Variants in METAP1 observed in about 807,000 individuals in gnomAD.
METAP1 encodes methionyl aminopeptidase 1, also known as methionine aminopeptidase 1.
In METAP1, 28 loss-of-function variants were observed where a neutral mutation model predicts 53.8. That is an observed-to-expected ratio of 0.52 (90% confidence interval 0.39 to 0.71). The LOEUF (loss-of-function observed/expected upper bound fraction) is 0.71. Ranked by LOEUF, METAP1 falls within the 30% of genes least tolerant of loss-of-function variation. METAP1 has a pLI of 0.00. For missense variants in METAP1, 389 were observed against 479.8 expected (o/e 0.81, Z 1.77); for synonymous variants, 181 against 165.7 (o/e 1.09, Z -0.71).
chr4:98,998,176 G>T (rs1455445343), intron 1 of METAP1, among the ~76,000 whole-genome samples: 1 of 152,174 alleles, frequency 6.6e-6, no homozygotes, highest in Admixed American at 6.5e-5. Flanking sequence ...CCCAGCTTGA[G>T]ACCTTGATCA....
At chr4:99,022,928 A>T in intron 1 of METAP1, 1 of 1,498,462 alleles carries the variant, frequency 6.7e-7, no homozygotes, top group Admixed American at 1.9e-5. Flanking sequence ...ACCTCACCAT[A>T]GGCACTGAGA....
intron 1 of METAP1, among the ~76,000 whole-genome samples, chr4:99,002,866 G>C (rs1722988039): frequency 6.6e-6 from 1 of 152,124 alleles, no homozygotes; most frequent in African/African-American, 2.4e-5. Context: ...CTTGCTACGA[G>C]ATCAGCCTGG....
intron 4 of METAP1, 103 bp from the exon 5 acceptor site, chr4:99,039,271 A>G (rs1410399450): frequency 1.6e-6 from 1 of 641,510 alleles, no homozygotes; most frequent in Non-Finnish European, 2.7e-6. Context: ...CTGTTGTGTG[A>G]AACAGTGAGA....
chr4:99,025,076 C>A (rs927749766), intron 1 of METAP1, among the ~76,000 whole-genome samples: 1 of 152,184 alleles, frequency 6.6e-6, no homozygotes, highest in South Asian at 2.1e-4. Flanking sequence ...AGGCTCCACC[C>A]GGTAATGCGG....
chr4:99,023,097 T>C (rs1579271357), intron 1 of METAP1: 6 of 1,178,680 alleles, frequency 5.1e-6, no homozygotes, highest in Non-Finnish European at 7.1e-6. Context: ...GCGCCTTTGC[T>C]CTGTTGCGGC....
intron 10 of METAP1, among the ~76,000 whole-genome samples, chr4:99,059,099 G>A (rs1414804923): frequency 6.6e-6 from 1 of 152,206 alleles, no homozygotes; most frequent in African/African-American, 2.4e-5. Flanking sequence ...TGGTTGGTGA[G>A]CCATGATGTA....
chr4:99,010,672 A>G (rs1448264969), intron 1 of METAP1, among the ~76,000 whole-genome samples: 2 of 152,188 alleles, frequency 1.3e-5, no homozygotes, highest in Non-Finnish European at 2.9e-5. Flanking sequence ...GAGATTTCAT[A>G]TGAATTTTAG....
intron 10 of METAP1, among the ~76,000 whole-genome samples, chr4:99,060,387 G>A (rs529758153): frequency 1.6e-5 from 2 of 123,640 alleles, no homozygotes; most frequent in South Asian, 2.8e-4. Flanking sequence ...TTTTTGAGAC[G>A]GAGTCTTGGT....
In METAP1 at chr4:99,012,756, C is replaced by T. The variant is rs544823534; in HGVS notation, c.115-16111C>T. ...ACACAGCCTCAGGAGTTCTTGAAAA[C>T]ATGTACCCAAGGTGGTTGGGTTACA... On this transcript the variant is annotated intron_variant, in intron 1 of 10. Coordinates refer to ENST00000296411, the MANE Select transcript of METAP1 (RefSeq NM_015143.3). 5.0e-5 allele frequency among the ~76,000 whole-genome samples: 7 copies of T among 139,396 alleles called. No individual in the cohort carries two copies. The South Asian group carries it at 7.5e-4, about 15-fold the overall frequency. 91.4% of individuals were successfully genotyped at this position (139,396 alleles called of 152,430 possible).
chr4:99,047,475 C>T (rs2110393958), intron 8 of METAP1, among the ~76,000 whole-genome samples: 1 of 152,194 alleles, frequency 6.6e-6, no homozygotes, highest in East Asian at 1.9e-4. Context: ...GATAGGAAGG[C>T]CTGGATAGGA....
intron 1 of METAP1, among the ~76,000 whole-genome samples, chr4:98,996,286 C>A (rs952417810): frequency 6.6e-6 from 1 of 152,218 alleles, no homozygotes; most frequent in African/African-American, 2.4e-5. Flanking sequence ...GCAGCACCGG[C>A]GGGGCTCGGG....
chr4:99,027,544 A>ACCCCC (rs35716602), intron 1 of METAP1, among the ~76,000 whole-genome samples: 2 of 136,962 alleles, frequency 1.5e-5, no homozygotes, highest in African/African-American at 5.2e-5. Context: ...ACAAGAGGTC[A>ACCCCC]CCCCCCCCCC....
intron 2 of METAP1, among the ~76,000 whole-genome samples, chr4:99,031,853 A>C (rs1268529373): frequency 6.6e-6 from 1 of 152,250 alleles, no homozygotes; most frequent in Admixed American, 6.5e-5. Context: ...CCTTGCATGT[A>C]TCACGTACTT....
chr4:99,056,743 G>A (rs551844169), intron 9 of METAP1, among the ~76,000 whole-genome samples: 2 of 152,042 alleles, frequency 1.3e-5, no homozygotes, highest in African/African-American at 4.8e-5. Flanking sequence ...CTAATTTTTT[G>A]TATTTTTAGT....
chr4:99,054,657 C>T (rs1403671472), intron 9 of METAP1, among the ~76,000 whole-genome samples: 2 of 152,190 alleles, frequency 1.3e-5, no homozygotes, highest in African/African-American at 4.8e-5. Context: ...ATGCCTTTCT[C>T]ATTAAGTTTA....
At chr4:99,033,634 C>T (rs1313065374) in intron 2 of METAP1, among the ~76,000 whole-genome samples, 1 of 152,190 alleles carries the variant, frequency 6.6e-6, no homozygotes, top group Non-Finnish European at 1.5e-5. Context: ...CTTGTCTTTG[C>T]CTTTTTCCTG....
intron 1 of METAP1, among the ~76,000 whole-genome samples, chr4:99,018,525 C>A (rs1723910081): frequency 6.6e-6 from 1 of 152,178 alleles, no homozygotes; most frequent in African/African-American, 2.4e-5. Context: ...TGGGGGTCCT[C>A]CCATTTGAAT....
chr4:99,029,088 G>A (rs1375748871), intron 2 of METAP1, among the ~76,000 whole-genome samples, 170 bp downstream of exon 2: 2 of 152,120 alleles, frequency 1.3e-5, no homozygotes, highest in Admixed American at 1.3e-4. Flanking sequence ...AATAAAATAT[G>A]TCTGGATAAT....
chr4:99,045,411 G>C, intron 8 of METAP1, 101 bp downstream of exon 8: 1 of 1,347,862 alleles, frequency 7.4e-7, no homozygotes, highest in Admixed American at 2.6e-5. Context: ...CTTCCAGGTT[G>C]CCCCTGTTCT....
Sources: allele counts gnomAD v4.1 joint callset (sites outside exome capture counted in the v4.1 genomes callset), GRCh38; gene constraint gnomAD v4.1.1; transcripts MANE v1.5; gene names NCBI Gene and HGNC (gene_info 2026-07-23, HGNC 2026-07-21).